Variants in ADAMTS20 observed in about 807,000 individuals in gnomAD.
ADAMTS20 encodes the protein A disintegrin and metalloproteinase with thrombospondin motifs 20.
Under a neutral mutation model 260.1 loss-of-function variants are expected in ADAMTS20, and 225 were observed. That is an observed-to-expected ratio of 0.87 (90% CI 0.78 to 0.97). The LOEUF (loss-of-function observed/expected upper bound fraction) is 0.97, where lower values mean the gene tolerates loss of function less well. Among genes scored for constraint, ADAMTS20 ranks in the 50% least tolerant of loss-of-function variants. ADAMTS20 has a pLI of 0.00. For missense variants in ADAMTS20, 2,400 were observed against 2,337.7 expected (o/e 1.03, Z -0.55); for synonymous variants, 802 against 769.5 (o/e 1.04, Z -0.70).
At position 43,417,965 on chromosome 12, in the gene ADAMTS20, G is replaced by T. The variant is rs148094778; in HGVS notation, c.4284+7549C>A. 4.1e-3 allele frequency among the ~76,000 whole-genome samples: 627 copies of T among 152,328 alleles called. 1 individual carries two copies. The highest frequency in any genetic ancestry group is 6.8e-3 in the Middle Eastern group (2 of 294). Reference sequence around the variant, plus strand: ...TATAACTCAAAATCATCTGTAGTGAGATGAGGAGTGCCAGGAGGAACTGCA... The same window carrying T: ...TATAACTCAAAATCATCTGTAGTGATATGAGGAGTGCCAGGAGGAACTGCA... On this transcript the variant is annotated intron_variant, in intron 28 of 38. Coordinates refer to ENST00000389420, the MANE Select transcript of ADAMTS20 (RefSeq NM_025003.5).
At chr12:43,418,548 A>G (rs1941174476) in intron 28 of ADAMTS20, among the ~76,000 whole-genome samples, 1 of 152,168 alleles carries the variant, frequency 6.6e-6, no homozygotes. Flanking sequence ...TGACCTCGTG[A>G]TCTGCCTGCC....
chr12:43,369,052 T>G (rs891139531), intron 37 of ADAMTS20, among the ~76,000 whole-genome samples: 1 of 152,134 alleles, frequency 6.6e-6, no homozygotes, highest in Non-Finnish European at 1.5e-5. Context: ...TAACACATTA[T>G]GGAAGAAGAA....
chr12:43,440,116 C>G, intron 16 of ADAMTS20, 47 bp from the exon 17 acceptor site: 1 of 1,009,538 alleles, frequency 9.9e-7, no homozygotes, highest in Non-Finnish European at 1.4e-6. Flanking sequence ...CACCAATCAA[C>G]AATACAGAAA....
In ADAMTS20 at chr12:43,452,663, CGGCCCACACA is replaced by C; in HGVS notation, c.1783_1792del (p.Cys595AlafsTer3). The C allele has an allele frequency of 6.2e-7, 1 of 1,610,206 alleles. No individual in the cohort carries two copies. Among genetic ancestry groups the C allele is most frequent in the Non-Finnish European group, 8.5e-7 (1 of 1,177,856 alleles). On this transcript the variant is annotated frameshift_variant, in exon 13 of 39. Coordinates refer to ENST00000389420, the MANE Select transcript of ADAMTS20 (RefSeq NM_025003.5). LOFTEE classifies it high-confidence loss of function. ...ATTACATGATCGAAATTTCATCCTG[CGGCCCACACA>C]GTAATTTCCTCCGTTTCTTGGCCTA... is the stretch of plus-strand genomic sequence containing the variant.
chr12:43,544,826 T>C (rs1044796330), intron 2 of ADAMTS20, among the ~76,000 whole-genome samples: 2 of 152,188 alleles, frequency 1.3e-5, no homozygotes, highest in African/African-American at 4.8e-5. Context: ...TTAAAACTTT[T>C]TGGTCTCCTT....
rs113574733 is a variant in ADAMTS20, at chr12:43,447,903, C to T, written c.2080-1191G>A. Among the ~76,000 whole-genome samples the T allele has an allele frequency of 2.3e-3, 342 of 151,894 alleles. 1 individual carries two copies. Among genetic ancestry groups the T allele is most frequent in the Non-Finnish European group, 2.9e-3 (196 of 67,892 alleles). On this transcript the variant is annotated intron_variant, in intron 14 of 38. Coordinates refer to ENST00000389420, the MANE Select transcript of ADAMTS20 (RefSeq NM_025003.5). ...AATCCCCTTCACAATGGCCACCAAA[C>T]GAATAAGATACCTAGGAATACAGCC...
intron 29 of ADAMTS20, among the ~76,000 whole-genome samples, chr12:43,397,355 CA>C (rs890274944): frequency 6.6e-6 from 1 of 152,084 alleles, no homozygotes; most frequent in Non-Finnish European, 1.5e-5. Context: ...TTAAGTGACA[CA>C]AGATGATATT....
chr12:43,499,561 T>G (rs1294073677), intron 4 of ADAMTS20, among the ~76,000 whole-genome samples: 1 of 150,928 alleles, frequency 6.6e-6, no homozygotes, highest in African/African-American at 2.4e-5. Flanking sequence ...CGATCTCGGC[T>G]GGGAACCGAG....
At chr12:43,468,879 T>C (rs1255029478) in intron 7 of ADAMTS20, among the ~76,000 whole-genome samples, 174 bp from the exon 8 acceptor site, 1 of 152,160 alleles carries the variant, frequency 6.6e-6, no homozygotes, top group Admixed American at 6.5e-5. Flanking sequence ...AATGATTTAT[T>C]TGCAGTTGAA....
chr12:43,443,720 A>C (rs1348374072), intron 16 of ADAMTS20, 71 bp downstream of exon 16: 4 of 1,241,862 alleles, frequency 3.2e-6, no homozygotes, highest in Non-Finnish European at 3.5e-6. Context: ...CCAAGAATTC[A>C]CATCAACTAC....
intron 29 of ADAMTS20, among the ~76,000 whole-genome samples, chr12:43,398,769 G>A (rs1940752082): frequency 1.3e-5 from 2 of 152,072 alleles, no homozygotes; most frequent in South Asian, 4.1e-4. Context: ...CCAGCACTTT[G>A]GGAGGATAAG....
intron 6 of ADAMTS20, 138 bp downstream of exon 6, chr12:43,492,367 G>C: frequency 9.5e-7 from 1 of 1,050,088 alleles, no homozygotes. Context: ...GCGACAGAGC[G>C]AGACTCTGTC....
intron 19 of ADAMTS20, among the ~76,000 whole-genome samples, chr12:43,433,437 CTCAAGAATT>C (rs1941487657): frequency 1.3e-5 from 2 of 152,254 alleles, no homozygotes; most frequent in South Asian, 4.1e-4. Flanking sequence ...CTAATAGCAT[CTCAAGAATT>C]TCACTGTGCT....
intron 7 of ADAMTS20, among the ~76,000 whole-genome samples, chr12:43,477,608 T>C (rs958250213): frequency 4.6e-5 from 7 of 152,200 alleles, no homozygotes; most frequent in Non-Finnish European, 1.0e-4. Context: ...CAAACCTCAG[T>C]GATTTAGCAC....
At chr12:43,421,298 A>AAAAAC (rs1693576574) in intron 28 of ADAMTS20, among the ~76,000 whole-genome samples, 39 of 150,962 alleles carry the variant, frequency 2.6e-4, no homozygotes, top group Admixed American at 5.3e-4. Context: ...AAAAAAAAAA[A>AAAAAC]CTTTCTCTTT....
At chr12:43,433,008 C>T (rs1941479656) in intron 19 of ADAMTS20, among the ~76,000 whole-genome samples, 197 bp from the exon 20 acceptor site, 1 of 152,122 alleles carries the variant, frequency 6.6e-6, no homozygotes, top group Admixed American at 6.5e-5. Flanking sequence ...TTTGGAGGTG[C>T]GTCCAAGGAA....
At chr12:43,516,309 A>T (rs1184267229) in intron 3 of ADAMTS20, among the ~76,000 whole-genome samples, 2 of 152,192 alleles carry the variant, frequency 1.3e-5, no homozygotes, top group African/African-American at 4.8e-5. Context: ...AATGTCTTTA[A>T]AAATAGGGCT....
chr12:43,455,777 C>A (rs1009722420), intron 11 of ADAMTS20, among the ~76,000 whole-genome samples: 2 of 151,116 alleles, frequency 1.3e-5, no homozygotes, highest in African/African-American at 4.9e-5. Context: ...GGCGTGATCA[C>A]AGCTTACCGC....
At chr12:43,369,610 G>T (rs1940063362) in intron 36 of ADAMTS20, among the ~76,000 whole-genome samples, 1 of 151,986 alleles carries the variant, frequency 6.6e-6, no homozygotes, top group Admixed American at 6.6e-5. Context: ...CTAACAAAGG[G>T]CAAGCACATT....
Sources: allele counts gnomAD v4.1 joint callset (sites outside exome capture counted in the v4.1 genomes callset), GRCh38; gene constraint gnomAD v4.1.1; transcripts MANE v1.5; gene names NCBI Gene and HGNC (gene_info 2026-07-23, HGNC 2026-07-21).